GRB2: variants seen among roughly 807,000 people sequenced by gnomAD.
GRB2 encodes the protein growth factor receptor bound protein 2.
In GRB2, 2 loss-of-function variants were observed where a neutral mutation model predicts 27.4. The ratio of observed to expected loss-of-function variants is 0.07; its 90% CI spans 0.03 to 0.23. The LOEUF is 0.23. Ranked by LOEUF, GRB2 falls within the 10% of genes least tolerant of loss-of-function variation. The pLI is 1.00. For missense variants in GRB2, 102 were observed against 282.4 expected (o/e 0.36, Z 4.58); for synonymous variants, 94 against 99.6 (o/e 0.94, Z 0.33).
chr17:75,340,684 T>C (rs922205787), intron 2 of GRB2, among the ~76,000 whole-genome samples: 2 of 152,200 alleles, frequency 1.3e-5, no homozygotes, highest in Non-Finnish European at 2.9e-5. Context: ...CTTCCCTTAG[T>C]ATGGATAACT....
intron 1 of GRB2, among the ~76,000 whole-genome samples, chr17:75,395,350 TAACAGG>T (rs1245327094): frequency 3.3e-5 from 5 of 152,208 alleles, no homozygotes; most frequent in Non-Finnish European, 5.9e-5. Context: ...GCGCTGGCTG[TAACAGG>T]GAAAGTAAAG....
intron 2 of GRB2, among the ~76,000 whole-genome samples, chr17:75,347,231 A>C (rs2078661141): frequency 6.6e-6 from 1 of 152,140 alleles, no homozygotes; most frequent in Admixed American, 6.5e-5. Context: ...GCGGGTCTCC[A>C]GTGAAACCCC....
intron 2 of GRB2, among the ~76,000 whole-genome samples, chr17:75,381,177 A>G (rs2078925268): frequency 6.6e-6 from 1 of 152,242 alleles, no homozygotes; most frequent in African/African-American, 2.4e-5. Flanking sequence ...AATAATTAGT[A>G]AAACTAATAT....
intron 2 of GRB2, among the ~76,000 whole-genome samples, chr17:75,391,711 G>A (rs1175357729): frequency 6.6e-6 from 1 of 151,788 alleles, no homozygotes; most frequent in Non-Finnish European, 1.5e-5. Context: ...GGGAGGCTGA[G>A]GCAGGAGAAT....
chr17:75,393,004 G>C (rs1005209572), intron 2 of GRB2, among the ~76,000 whole-genome samples: 1 of 152,172 alleles, frequency 6.6e-6, no homozygotes, highest in Non-Finnish European at 1.5e-5. Context: ...TTATTATTTA[G>C]AACTCCATTT....
intron 2 of GRB2, among the ~76,000 whole-genome samples, chr17:75,357,078 C>T (rs1380183947): frequency 1.3e-5 from 2 of 152,246 alleles, no homozygotes; most frequent in Non-Finnish European, 2.9e-5. Flanking sequence ...CCTTGGATTA[C>T]TGCAGTGGCT....
chr17:75,324,535 TGGAG>T (rs2078485642), intron 4 of GRB2, among the ~76,000 whole-genome samples: 1 of 86,242 alleles, frequency 1.2e-5, no homozygotes. Flanking sequence ...TTTTTTTTTT[TGGAG>T]ACAGAGTTTT....
intron 2 of GRB2, among the ~76,000 whole-genome samples, chr17:75,343,049 C>CAAAAAAAAAAAAAAAAAAAAA (rs56264803): frequency 1.7e-5 from 1 of 58,596 alleles, no homozygotes. Context: ...AACCTTGTCT[C>CAAAAAAAAAAAAAAAAAAAAA]AAAAAAAAAA....
rs1374786637 is a variant in GRB2, at chr17:75,405,625, G to C, written c.-274C>G. 1 of 160,228 alleles carries C rather than the reference G, an allele frequency of 6.2e-6. No homozygotes were observed. Among genetic ancestry groups the C allele is most frequent in the African/African-American group, 2.4e-5 (1 of 41,280 alleles). 9.9% of individuals were successfully genotyped at this position (160,228 alleles called of 1,614,324 possible). ...CGCCACAGGCACAGACTCTGCCACAGCCGCCGCCGCCGCTGCCGCCGCCCG... is the reference window on the plus strand; with the variant it reads ...CGCCACAGGCACAGACTCTGCCACACCCGCCGCCGCCGCTGCCGCCGCCCG... On this transcript the variant is annotated 5_prime_UTR_variant, in exon 1 of 6. Coordinates refer to ENST00000316804, the MANE Select transcript of GRB2 (RefSeq NM_002086.5).
chr17:75,337,890 T>C (rs1255014686), intron 2 of GRB2, among the ~76,000 whole-genome samples: 4 of 126,338 alleles, frequency 3.2e-5, no homozygotes, highest in African/African-American at 1.2e-4. Flanking sequence ...CTACTACTAC[T>C]ACTACTACTA....
At chr17:75,354,672 C>T (rs1218528772) in intron 2 of GRB2, among the ~76,000 whole-genome samples, 1 of 152,162 alleles carries the variant, frequency 6.6e-6, no homozygotes, top group Non-Finnish European at 1.5e-5. Context: ...CTGCTGGATT[C>T]AAGAATTGCT....
chr17:75,347,138 T>C lies in GRB2; in HGVS notation c.79-14341A>G, dbSNP rs1286826517. 4.6e-5 allele frequency among the ~76,000 whole-genome samples: 7 copies of C among 152,164 alleles called. No homozygotes were observed. In the East Asian group the frequency reaches 1.2e-3, roughly 25 times the overall value. On this transcript the variant is annotated intron_variant, in intron 2 of 5. Coordinates refer to ENST00000316804, the MANE Select transcript of GRB2 (RefSeq NM_002086.5). ...ATGGTGGTAACCTGATTACCAGCTG[T>C]GGACACTGCATTATCCCTGTGGTTT...
At chr17:75,339,382 A>G (rs1036562043) in intron 2 of GRB2, among the ~76,000 whole-genome samples, 3 of 151,224 alleles carry the variant, frequency 2.0e-5, no homozygotes, top group Non-Finnish European at 4.4e-5. Flanking sequence ...TTTAGTAGAG[A>G]GGGGGTTTCA....
intron 2 of GRB2, among the ~76,000 whole-genome samples, chr17:75,374,651 G>C (rs2078880564): frequency 6.6e-6 from 1 of 151,858 alleles, no homozygotes; most frequent in Non-Finnish European, 1.5e-5. Flanking sequence ...GCCGAGTGTG[G>C]TGGCACATGC....
At chr17:75,355,486 C>CA (rs2078725713) in intron 2 of GRB2, among the ~76,000 whole-genome samples, 1 of 151,324 alleles carries the variant, frequency 6.6e-6, no homozygotes, top group African/African-American at 2.4e-5. Context: ...ACAGTGAATA[C>CA]ATTTATCCAT....
At chr17:75,394,420 C>T (rs372987262) in intron 1 of GRB2, 27 of 152,272 alleles carry the variant, frequency 1.8e-4, no homozygotes, top group African/African-American at 6.3e-4. Context: ...ATGTTGTGAT[C>T]GGCAAGCTCA....
chr17:75,371,287 A>C (rs1181785893), intron 2 of GRB2: 1 of 149,176 alleles, frequency 6.7e-6, no homozygotes, highest in Non-Finnish European at 1.5e-5. Flanking sequence ...AAGGAAAATA[A>C]AGGAATAAAA....
chr17:75,370,275 C>T (rs547063509), intron 2 of GRB2, among the ~76,000 whole-genome samples: 1 of 152,280 alleles, frequency 6.6e-6, no homozygotes, highest in African/African-American at 2.4e-5. Flanking sequence ...ACCCACTATT[C>T]CAGGCCTGGA....
intron 2 of GRB2, among the ~76,000 whole-genome samples, chr17:75,358,700 T>TAAAAAAA (rs71159497): frequency 1.5e-5 from 1 of 66,284 alleles, no homozygotes; most frequent in African/African-American, 4.5e-5. Flanking sequence ...CCATCTCTAC[T>TAAAAAAA]AAAAAAAAAA....
Sources: allele counts gnomAD v4.1 joint callset (sites outside exome capture counted in the v4.1 genomes callset), GRCh38; gene constraint gnomAD v4.1.1; transcripts MANE v1.5; gene names NCBI Gene and HGNC (gene_info 2026-07-23, HGNC 2026-07-21).